The following PRDM2 variants were observed in gnomAD, a reference collection of about 807,000 sequenced individuals.
PRDM2 encodes the protein PR/SET domain 2, also known as PR domain zinc finger protein 2.
PRDM2 carries 30 observed loss-of-function variants against 130.0 expected under a neutral mutation model. That is an observed-to-expected ratio of 0.23 (90% CI 0.17 to 0.31). The LOEUF (loss-of-function observed/expected upper bound fraction) is 0.31, where lower values mean the gene tolerates loss of function less well. PRDM2 is among the 10% of genes least tolerant of loss of function. The probability of loss-of-function intolerance (pLI) is 1.00; values close to 1 mark genes in which losing one functional copy is unlikely to be tolerated. For missense variants in PRDM2, 2,011 were observed against 2,108.4 expected, an observed-to-expected ratio of 0.95 and a Z score of 0.90; for synonymous variants, 871 against 782.4, an observed-to-expected ratio of 1.11 and a Z score of -1.89.
intron 4 of PRDM2, among the ~76,000 whole-genome samples, chr1:13,733,701 T>A (rs1643180659): frequency 6.6e-6 from 1 of 152,232 alleles, no homozygotes; most frequent in African/African-American, 2.4e-5. Context: ...TTGCTTTTGT[T>A]GTTCCCTGGG....
At chr1:13,727,950 A>C (rs1642977100) in intron 2 of PRDM2, among the ~76,000 whole-genome samples, 1 of 152,182 alleles carries the variant, frequency 6.6e-6, no homozygotes, top group Admixed American at 6.5e-5. Context: ...ATTTTTTGAA[A>C]ACATTCCTTT....
intron 7 of PRDM2, among the ~76,000 whole-genome samples, chr1:13,775,664 A>C (rs748370886): frequency 6.6e-6 from 1 of 152,188 alleles, no homozygotes; most frequent in Non-Finnish European, 1.5e-5. Context: ...TGTATGAGTA[A>C]TACTTGGCAT....
intron 8 of PRDM2, among the ~76,000 whole-genome samples, chr1:13,794,923 CTT>C (rs1425249886): frequency 6.6e-6 from 1 of 152,212 alleles, no homozygotes. Context: ...TTTGCTGTGT[CTT>C]TGCCAGGCCA....
At chr1:13,752,872 A>G (rs1385438967) in intron 6 of PRDM2, among the ~76,000 whole-genome samples, 1 of 152,208 alleles carries the variant, frequency 6.6e-6, no homozygotes, top group African/African-American at 2.4e-5. Context: ...CATATCGATG[A>G]TGCTTGTGCC....
chr1:13,811,224 T>C (rs936950019), intron 8 of PRDM2, among the ~76,000 whole-genome samples: 3 of 152,078 alleles, frequency 2.0e-5, no homozygotes, highest in African/African-American at 7.2e-5. Context: ...GGGCACTGGT[T>C]GTGGATGGCT....
chr1:13,769,896 G>A (rs1177208968), intron 6 of PRDM2, among the ~76,000 whole-genome samples: 1 of 152,150 alleles, frequency 6.6e-6, no homozygotes. Flanking sequence ...GGGACATCTG[G>A]CCATGTCTAG....
chr1:13,774,557 A>C (rs974894070), intron 7 of PRDM2, among the ~76,000 whole-genome samples: 1 of 152,180 alleles, frequency 6.6e-6, no homozygotes, highest in Non-Finnish European at 1.5e-5. Flanking sequence ...TGAACAACAA[A>C]AATTACTAAG....
intron 3 of PRDM2, among the ~76,000 whole-genome samples, chr1:13,731,672 C>T (rs1183143099): frequency 1.3e-5 from 2 of 152,050 alleles, no homozygotes; most frequent in Non-Finnish European, 2.9e-5. Context: ...AAACCAGGCG[C>T]GTGTGTGTTT....
At position 13,779,657 on chromosome 1, in the gene PRDM2, C is replaced by T. The variant is rs778393802; in HGVS notation, c.1862C>T (p.Thr621Ile). 3 of 1,614,082 alleles carry T rather than the reference C, an allele frequency of 1.9e-6. No homozygotes were observed. Among genetic ancestry groups the T allele is most frequent in the Non-Finnish European group, 2.5e-6 (3 of 1,180,010 alleles). Residue 621 changes from threonine to isoleucine, a missense_variant, in exon 8 of 10, where the codon ACA becomes ATA. Around this residue, in one of 5 missense-constraint regions of PRDM2, gnomAD observed 1,288 missense variants for 1,237.7 expected, o/e 1.04. Transcript: ENST00000311066. The surrounding 1 kb of genome is among the most constrained non-coding windows in gnomAD (Gnocchi z 4.9). ...QNIKTTQVPV[T>I]EDLPKEPLGS... ...ATAAAGACCACACAGGTCCCTGTAA[C>T]AGAAGATCTTCCTAAAGAGCCTTTG...
At chr1:13,768,403 G>T (rs767780289) in intron 6 of PRDM2, among the ~76,000 whole-genome samples, 23 of 147,386 alleles carry the variant, frequency 1.6e-4, no homozygotes, top group Non-Finnish European at 3.0e-4. Flanking sequence ...TTTTAAGATG[G>T]AGTTTTGCCC....
chr1:13,714,111 C>T (rs193274519), intron 1 of PRDM2, among the ~76,000 whole-genome samples: 2,212 of 152,270 alleles, frequency 0.015, 21 homozygotes, highest in Non-Finnish European at 0.024. Context: ...CCTCGTGATC[C>T]ACCTGCCTTG....
At position 13,787,850 on chromosome 1, in the gene PRDM2, G is replaced by A. The variant is rs544429236; in HGVS notation, c.5036+5019G>A. 25 of 982,712 alleles carry A rather than the reference G, an allele frequency of 2.5e-5. 1 individual carries two copies. The highest frequency in any genetic ancestry group is 1.0e-3 in the Middle Eastern group (2 of 1,912). The allele number at this position is 982,712 out of a possible 1,614,324, so 60.9% of individuals were successfully genotyped here. A position where few individuals can be genotyped will look rare whatever the true frequency, so the allele number is the denominator to read the frequency against. ...AATTTACAATTTGACATACAAAAAG[G>A]GGTTGTCCATTGATTTTAACCAATG... On this transcript the variant is annotated intron_variant, in intron 8 of 9. Transcript: ENST00000311066.
rs1333544921 is a variant in PRDM2 at position 13,803,219 on chromosome 1, C to T, written c.5037-13208C>T. Among the ~76,000 whole-genome samples, 2 of 152,334 alleles carry T rather than the reference C, an allele frequency of 1.3e-5. No homozygotes were observed. The highest frequency in any genetic ancestry group is 1.5e-5 in the Non-Finnish European group (1 of 68,030). The stretch of plus-strand genomic sequence containing the variant: ...ATGAGAGAAACCGTATAGGAAGCCA[C>T]GCTGGGAGGATTTGGTTCTTGAGCA... On this transcript the variant is annotated intron_variant, in intron 8 of 9. Transcript: ENST00000311066. The surrounding 1 kb of genome is among the most constrained non-coding windows in gnomAD (Gnocchi z 6.2).
At chr1:13,776,983 G>T (rs956104972) in intron 7 of PRDM2, among the ~76,000 whole-genome samples, 4 of 152,148 alleles carry the variant, frequency 2.6e-5, no homozygotes, top group African/African-American at 9.7e-5. Context: ...TTCATATAAA[G>T]CTGTCTACTT....
intron 8 of PRDM2, among the ~76,000 whole-genome samples, chr1:13,790,556 G>T (rs1644823389): frequency 6.6e-6 from 1 of 152,132 alleles, no homozygotes; most frequent in African/African-American, 2.4e-5. Context: ...TTTCCTGAAG[G>T]GTTTGCCTCA....
At chr1:13,728,707 A>G (rs962124106) in intron 2 of PRDM2, among the ~76,000 whole-genome samples, 1 of 152,228 alleles carries the variant, frequency 6.6e-6, no homozygotes, top group Non-Finnish European at 1.5e-5. Flanking sequence ...GAGTAATTTA[A>G]AAGAAAAAAA....
intron 8 of PRDM2, chr1:13,787,912 C>G (rs1193198899): frequency 1.0e-6 from 1 of 985,066 alleles, no homozygotes. Context: ...TATAGATAGA[C>G]AAGAGTGGTG....
chr1:13,761,462 C>A (rs1021989357), intron 6 of PRDM2, among the ~76,000 whole-genome samples: 2 of 152,158 alleles, frequency 1.3e-5, no homozygotes, highest in African/African-American at 4.8e-5. Context: ...TCCCGATGAT[C>A]TGTGCAGCAT....
At position 13,803,603 on chromosome 1, in the gene PRDM2, G is replaced by A. The variant is rs572390220; in HGVS notation, c.5037-12824G>A. Reference sequence around the variant, plus strand: ...GCGAGTGCCTTGCTCGCTCTCCTCGGTTTCCTCGTCTGTAAGGGAAGGGCT... The same window carrying A: ...GCGAGTGCCTTGCTCGCTCTCCTCGATTTCCTCGTCTGTAAGGGAAGGGCT... On this transcript the variant is annotated intron_variant, in intron 8 of 9. Coordinates refer to ENST00000311066, the MANE Select transcript of PRDM2 (RefSeq NM_001393986.1). The surrounding 1 kb of genome is among the most constrained non-coding windows in gnomAD (Gnocchi z 6.2). 5.7e-4 allele frequency among the ~76,000 whole-genome samples: 87 copies of A among 152,238 alleles called. No individual in the cohort carries two copies. In the South Asian group the frequency reaches 0.017, roughly 31 times the overall value.
Sources: allele counts gnomAD v4.1 joint callset (sites outside exome capture counted in the v4.1 genomes callset), GRCh38; gene constraint gnomAD v4.1.1; regional missense constraint gnomAD v4.1.1; non-coding constraint Gnocchi (gnomAD v3.1); transcripts MANE v1.5; gene names NCBI Gene and HGNC (gene_info 2026-07-23, HGNC 2026-07-21).